AGBL1: variants seen among roughly 807,000 people sequenced by gnomAD.
The protein encoded by AGBL1 is cytosolic carboxypeptidase 4.
AGBL1 carries 130 observed loss-of-function variants against 118.9 expected under a neutral mutation model. The ratio of observed to expected loss-of-function variants is 1.09; its 90% CI spans 0.95 to 1.26. The LOEUF is 1.26. AGBL1 is among the 50% of genes most tolerant of loss of function. AGBL1 has a pLI of 0.00. For synonymous variants in AGBL1, 555 were observed against 478.9 expected, an observed-to-expected ratio of 1.16 and a Z score of -2.08; for missense variants, 1,584 against 1,298.1, an observed-to-expected ratio of 1.22 and a Z score of -3.38.
At chr15:86,759,969 A>G (rs2078000934) in intron 22 of AGBL1, among the ~76,000 whole-genome samples, 1 of 152,030 alleles carries the variant, frequency 6.6e-6, no homozygotes, top group Non-Finnish European at 1.5e-5. Context: ...TTTTAGACTT[A>G]CTGAAACAGC....
At chr15:86,904,391 A>C (rs777388888) in intron 22 of AGBL1, among the ~76,000 whole-genome samples, 9 of 150,772 alleles carry the variant, frequency 6.0e-5, no homozygotes, top group Non-Finnish European at 1.2e-4. Context: ...AATTAGGAAG[A>C]GGAAAAAGTA....
intron 1 of AGBL1, among the ~76,000 whole-genome samples, chr15:86,138,891 C>T (rs2076923970): frequency 6.6e-6 from 1 of 152,126 alleles, no homozygotes; most frequent in African/African-American, 2.4e-5. Context: ...AAACTAATTC[C>T]AGAGACTTCA....
In AGBL1 at chr15:86,279,633, C is replaced by T. The variant is rs778968308; in HGVS notation, c.2076-6C>T. ...ATTCTCTTCTCTTCTCCTCCTCTCT[C>T]TTTAGAAATCATTATCGCCAGAGTA... is the stretch of plus-strand genomic sequence containing the variant. On this transcript the variant is annotated splice_region_variant and splice_polypyrimidine_tract_variant and intron_variant, in intron 15 of 22. Transcript: ENST00000614907. The T allele has an allele frequency of 6.2e-7, 1 of 1,612,844 alleles. No homozygotes were observed. The highest frequency in any genetic ancestry group is 2.2e-5 in the East Asian group (1 of 44,860).
At chr15:86,253,888 C>T (rs897162797) in intron 7 of AGBL1, among the ~76,000 whole-genome samples, 1 of 152,028 alleles carries the variant, frequency 6.6e-6, no homozygotes, top group African/African-American at 2.4e-5. Flanking sequence ...AACTCTATAC[C>T]CATTAAACTG....
At chr15:87,015,541 T>A (rs1342425153) in intron 24 of AGBL1, among the ~76,000 whole-genome samples, 1 of 152,200 alleles carries the variant, frequency 6.6e-6, no homozygotes, top group African/African-American at 2.4e-5. Flanking sequence ...ATTCATTCAG[T>A]AAACACTGAG....
chr15:86,224,319 C>T (rs1263936685), intron 5 of AGBL1, among the ~76,000 whole-genome samples: 3 of 152,000 alleles, frequency 2.0e-5, no homozygotes, highest in Non-Finnish European at 4.4e-5. Context: ...TCATATGTGT[C>T]CCTTTGTTGC....
intron 17 of AGBL1, among the ~76,000 whole-genome samples, chr15:86,324,595 G>A (rs897448831): frequency 6.6e-6 from 1 of 152,142 alleles, no homozygotes; most frequent in African/African-American, 2.4e-5. Context: ...TATAGAGAGA[G>A]TTTCTGGTTT....
chr15:86,254,024 C>G (rs999686362), intron 7 of AGBL1, among the ~76,000 whole-genome samples: 2 of 152,084 alleles, frequency 1.3e-5, no homozygotes, highest in Admixed American at 6.5e-5. Flanking sequence ...AGGAGATGTT[C>G]GTGGCTTTGG....
chr15:86,321,228 G>A (rs1378433791), intron 17 of AGBL1, among the ~76,000 whole-genome samples: 1 of 152,094 alleles, frequency 6.6e-6, no homozygotes, highest in African/African-American at 2.4e-5. Flanking sequence ...TATAGTTCTG[G>A]TGCTTTCTTG....
chr15:86,212,520 G>A (rs1215676977), intron 5 of AGBL1, among the ~76,000 whole-genome samples: 1 of 152,204 alleles, frequency 6.6e-6, no homozygotes, highest in Non-Finnish European at 1.5e-5. Context: ...GGGGTGAAAT[G>A]CAAGAACATG....
intron 17 of AGBL1, among the ~76,000 whole-genome samples, chr15:86,339,387 G>A (rs189609826): frequency 3.0e-4 from 45 of 152,240 alleles, no homozygotes; most frequent in African/African-American, 9.4e-4. Context: ...TGTTTATCGC[G>A]AAATTTGGCA....
At chr15:86,629,712 G>T (rs1274633227) in intron 21 of AGBL1, among the ~76,000 whole-genome samples, 1 of 151,874 alleles carries the variant, frequency 6.6e-6, no homozygotes, top group African/African-American at 2.4e-5. Flanking sequence ...ATAAATCTAG[G>T]CAGCATTGAA....
intron 1 of AGBL1, among the ~76,000 whole-genome samples, chr15:86,098,648 C>G (rs545639634): frequency 6.6e-6 from 1 of 152,188 alleles, no homozygotes; most frequent in South Asian, 2.1e-4. Context: ...TTTCTGGGTT[C>G]TTTATTCTGT....
At chr15:86,448,877 G>A (rs1490086034) in intron 18 of AGBL1, among the ~76,000 whole-genome samples, 3 of 152,260 alleles carry the variant, frequency 2.0e-5, no homozygotes, top group Middle Eastern at 3.4e-3. Flanking sequence ...GCTGATTTCC[G>A]AAGGAATATA....
At chr15:86,314,766 G>A (rs1048318341) in intron 17 of AGBL1, among the ~76,000 whole-genome samples, 2 of 152,156 alleles carry the variant, frequency 1.3e-5, no homozygotes, top group African/African-American at 4.8e-5. Flanking sequence ...GAAACCAGCC[G>A]TGTAGGAAGT....
intron 6 of AGBL1, among the ~76,000 whole-genome samples, chr15:86,235,614 C>G (rs2078527835): frequency 1.3e-5 from 2 of 152,196 alleles, no homozygotes; most frequent in African/African-American, 4.8e-5. Context: ...TTATTTACAT[C>G]AAGATGTACC....
At chr15:86,351,071 C>T (rs1000818344) in intron 17 of AGBL1, among the ~76,000 whole-genome samples, 1 of 152,204 alleles carries the variant, frequency 6.6e-6, no homozygotes, top group Non-Finnish European at 1.5e-5. Flanking sequence ...GCCAGACCTA[C>T]TGTCTTAGTC....
chr15:87,027,776 G>T (rs1263110806), intron 24 of AGBL1, among the ~76,000 whole-genome samples: 3 of 151,918 alleles, frequency 2.0e-5, no homozygotes, highest in Non-Finnish European at 2.9e-5. Flanking sequence ...GCAAACTAAT[G>T]CGGGAACAGA....
At chr15:86,200,021 T>A (rs2077878136) in intron 5 of AGBL1, among the ~76,000 whole-genome samples, 1 of 152,222 alleles carries the variant, frequency 6.6e-6, no homozygotes. Context: ...GGGGATTGAA[T>A]TGATTTACAA....
Sources: allele counts gnomAD v4.1 joint callset (sites outside exome capture counted in the v4.1 genomes callset), GRCh38; gene constraint gnomAD v4.1.1; transcripts MANE v1.5; gene names NCBI Gene and HGNC (gene_info 2026-07-23, HGNC 2026-07-21).